The following CCSER1 variants were observed in gnomAD, a reference collection of about 807,000 sequenced individuals.
The protein encoded by CCSER1 is coiled-coil serine rich protein 1, also known as serine-rich coiled-coil domain-containing protein 1.
In CCSER1, 41 loss-of-function variants were observed where a neutral mutation model predicts 82.0. The observed-to-expected ratio is 0.50, with a 90% CI of 0.39 to 0.65. CCSER1 has a LOEUF of 0.65. CCSER1 is among the 30% of genes least tolerant of loss of function. The probability of loss-of-function intolerance (pLI) is 0.00; values close to 1 mark genes in which losing one functional copy is unlikely to be tolerated. For missense variants in CCSER1, 1,119 were observed against 1,064.2 expected (o/e 1.05, Z -0.72); for synonymous variants, 414 against 383.9 (o/e 1.08, Z -0.92).
chr4:90,407,645 A>C (rs2153550844), intron 4 of CCSER1, among the ~76,000 whole-genome samples: 1 of 152,304 alleles, frequency 6.6e-6, no homozygotes, highest in African/African-American at 2.4e-5. Context: ...CAAAAAGATG[A>C]TCCAGAGGTG....
chr4:90,922,351 A>G (rs1728508912), intron 8 of CCSER1, among the ~76,000 whole-genome samples: 1 of 151,958 alleles, frequency 6.6e-6, no homozygotes, highest in South Asian at 2.1e-4. Flanking sequence ...TGAGGATGGA[A>G]GAGTTTTGTG....
chr4:90,859,776 T>C (rs1452748553), intron 8 of CCSER1, among the ~76,000 whole-genome samples: 1 of 151,778 alleles, frequency 6.6e-6, no homozygotes, highest in Non-Finnish European at 1.5e-5. Flanking sequence ...AGAATCAAGA[T>C]ATATTTAAGG....
At chr4:90,217,746 C>T (rs1354347267) in intron 1 of CCSER1, among the ~76,000 whole-genome samples, 1 of 151,934 alleles carries the variant, frequency 6.6e-6, no homozygotes, top group Non-Finnish European at 1.5e-5. Flanking sequence ...ATAAATGGCT[C>T]TTAATATTTT....
intron 10 of CCSER1, among the ~76,000 whole-genome samples, chr4:91,496,448 C>T (rs913693240): frequency 1.4e-5 from 2 of 147,112 alleles, no homozygotes; most frequent in Non-Finnish European, 3.0e-5. Context: ...TTATATTTTT[C>T]GTTGAAATGA....
chr4:91,189,389 C>A (rs1463113145), intron 10 of CCSER1, among the ~76,000 whole-genome samples: 1 of 152,120 alleles, frequency 6.6e-6, no homozygotes, highest in Non-Finnish European at 1.5e-5. Context: ...TTAATTAGGA[C>A]AGGAGATGCT....
chr4:91,513,940 T>G (rs1759962909), intron 10 of CCSER1, among the ~76,000 whole-genome samples: 1 of 152,116 alleles, frequency 6.6e-6, no homozygotes, highest in Non-Finnish European at 1.5e-5. Flanking sequence ...TATGGATTTT[T>G]GGGTCTCAAT....
chr4:91,512,361 C>T (rs2110118443), intron 10 of CCSER1, among the ~76,000 whole-genome samples: 1 of 152,278 alleles, frequency 6.6e-6, no homozygotes, highest in South Asian at 2.1e-4. Flanking sequence ...TGGATGCTTT[C>T]TATCCTGGGA....
chr4:90,924,116 T>A (rs1728756545), intron 9 of CCSER1, among the ~76,000 whole-genome samples: 1 of 152,172 alleles, frequency 6.6e-6, no homozygotes, highest in South Asian at 2.1e-4. Context: ...ACTTTCAACT[T>A]CCTCTTGATG....
At chr4:90,798,463 A>T (rs62314103) in intron 7 of CCSER1, among the ~76,000 whole-genome samples, 10,107 of 151,238 alleles carry the variant, frequency 0.067, 462 homozygotes, top group Admixed American at 0.12. Context: ...CATATTCTGA[A>T]TTCTATTTCT....
intron 8 of CCSER1, among the ~76,000 whole-genome samples, chr4:90,850,464 C>A (rs914245757): frequency 1.3e-5 from 2 of 152,236 alleles, no homozygotes; most frequent in African/African-American, 4.8e-5. Flanking sequence ...TCCTGCAAAT[C>A]TACAGGGGCG....
chr4:90,658,619 T>C (rs1221419516), intron 6 of CCSER1, among the ~76,000 whole-genome samples: 1 of 152,176 alleles, frequency 6.6e-6, no homozygotes. Flanking sequence ...TTTGTGGGTT[T>C]CCCCCTGAAA....
intron 10 of CCSER1, among the ~76,000 whole-genome samples, chr4:91,247,825 AC>A (rs1560541485): frequency 6.6e-6 from 1 of 152,118 alleles, no homozygotes; most frequent in Non-Finnish European, 1.5e-5. Flanking sequence ...TTGAGATCAC[AC>A]AACTGTGCTC....
intron 10 of CCSER1, among the ~76,000 whole-genome samples, chr4:91,266,449 C>T (rs758840555): frequency 2.2e-4 from 33 of 151,972 alleles, no homozygotes; most frequent in Non-Finnish European, 1.3e-4. Context: ...GACGGGGTTT[C>T]ACCATGTTAG....
chr4:90,188,873 GA>G (rs1364851225), intron 1 of CCSER1, among the ~76,000 whole-genome samples: 1 of 151,916 alleles, frequency 6.6e-6, no homozygotes, highest in African/African-American at 2.4e-5. Flanking sequence ...ATTAGGATAG[GA>G]GACTATTACT....
intron 7 of CCSER1, chr4:90,781,571 A>C: frequency 2.0e-6 from 2 of 978,380 alleles, no homozygotes; most frequent in Non-Finnish European, 2.4e-6. Flanking sequence ...AAATGAGTTA[A>C]ATTGTTGTGA....
At chr4:90,301,487 T>C (rs1175292880) in intron 1 of CCSER1, among the ~76,000 whole-genome samples, 2 of 152,320 alleles carry the variant, frequency 1.3e-5, no homozygotes, top group South Asian at 2.1e-4. Context: ...GTTTTATTTC[T>C]AATAGGGTCT....
At chr4:90,487,177 G>T (rs1767237303) in intron 5 of CCSER1, among the ~76,000 whole-genome samples, 1 of 152,194 alleles carries the variant, frequency 6.6e-6, no homozygotes, top group South Asian at 2.1e-4. Flanking sequence ...CTTCCAAAGT[G>T]CTGGGATTAC....
At chr4:90,903,988 T>C (rs1238093668) in intron 8 of CCSER1, among the ~76,000 whole-genome samples, 3 of 147,124 alleles carry the variant, frequency 2.0e-5, no homozygotes, top group Non-Finnish European at 4.4e-5. Flanking sequence ...AAATTAATAA[T>C]TTTTTTTGAC....
At chr4:90,576,707 A>G (rs1287793687) in intron 5 of CCSER1, among the ~76,000 whole-genome samples, 1 of 152,110 alleles carries the variant, frequency 6.6e-6, no homozygotes, top group African/African-American at 2.4e-5. Context: ...GCTCATTTCT[A>G]CTTAGCACTG....
Sources: gnomAD v4.1 joint callset for allele counts (sites outside exome capture counted in the v4.1 genomes callset) on GRCh38, gnomAD v4.1.1 for gene constraint, MANE v1.5 for transcripts, NCBI Gene and HGNC (gene_info 2026-07-23, HGNC 2026-07-21) for gene names.